The following TMTC2 variants were observed in gnomAD, a reference collection of about 807,000 sequenced individuals.
The protein encoded by TMTC2 is protein O-mannosyl-transferase TMTC2.
TMTC2 carries 43 observed loss-of-function variants against 82.4 expected under a neutral mutation model. That is an observed-to-expected ratio of 0.52 (90% confidence interval 0.41 to 0.67). TMTC2 has a LOEUF of 0.67. TMTC2 is among the 30% of genes least tolerant of loss of function. TMTC2 has a pLI of 0.00. For synonymous variants in TMTC2, 408 were observed against 381.9 expected, an observed-to-expected ratio of 1.07 and a Z score of -0.80; for missense variants, 919 against 1,012.4, an observed-to-expected ratio of 0.91 and a Z score of 1.25.
At chr12:82,937,685 T>C (rs928433535) in intron 4 of TMTC2, among the ~76,000 whole-genome samples, 1 of 145,632 alleles carries the variant, frequency 6.9e-6, no homozygotes, top group Non-Finnish European at 1.5e-5. Context: ...AGCTAACATT[T>C]TGAACAAATG....
At chr12:82,948,349 A>AG (rs1010741461) in intron 4 of TMTC2, among the ~76,000 whole-genome samples, 1 of 148,024 alleles carries the variant, frequency 6.8e-6, no homozygotes, top group African/African-American at 2.5e-5. Flanking sequence ...TGGACAACAG[A>AG]GGGAAACCCT....
intron 1 of TMTC2, among the ~76,000 whole-genome samples, chr12:82,735,557 G>A (rs1048040198): frequency 2.6e-5 from 4 of 151,906 alleles, no homozygotes; most frequent in Admixed American, 6.5e-5. Context: ...GTGTTAGCCA[G>A]GATGGTCTCG....
rs1489746856 is a variant in TMTC2 at position 83,040,724 on chromosome 12, C to T, written c.2152+9845C>T. On this transcript the variant is annotated intron_variant, in intron 9 of 11. Transcript: ENST00000321196. Reference sequence around the variant, plus strand: ...CTTTTGAGACGGAGTCTCGCTCAGTCGCCCAGGCTGAAGCGCAGTGGCACT... The same window carrying T: ...CTTTTGAGACGGAGTCTCGCTCAGTTGCCCAGGCTGAAGCGCAGTGGCACT... Among the ~76,000 whole-genome samples, 6 of 137,630 alleles carry T rather than the reference C, an allele frequency of 4.4e-5. No homozygotes were observed. In the East Asian group the frequency reaches 1.2e-3, roughly 28 times the overall value. The allele number at this position is 137,630 out of a possible 152,430, so 90.3% of individuals were successfully genotyped here.
chr12:83,031,161 G>A (rs1881415809), intron 9 of TMTC2, among the ~76,000 whole-genome samples: 2 of 152,072 alleles, frequency 1.3e-5, no homozygotes, highest in Admixed American at 1.3e-4. Flanking sequence ...ATCTCATCAG[G>A]AAAGCATCTA....
At chr12:82,904,866 A>G (rs1874205156) in intron 3 of TMTC2, among the ~76,000 whole-genome samples, 1 of 152,146 alleles carries the variant, frequency 6.6e-6, no homozygotes, top group South Asian at 2.1e-4. Flanking sequence ...CTCTGTTACC[A>G]TAGCTTTTAA....
At chr12:82,923,943 A>C (rs1168681414) in intron 3 of TMTC2, among the ~76,000 whole-genome samples, 1 of 152,210 alleles carries the variant, frequency 6.6e-6, no homozygotes, top group East Asian at 1.9e-4. Context: ...AATATGATCA[A>C]ATTTCTTAAA....
At chr12:82,929,866 G>A (rs1282865036) in intron 3 of TMTC2, among the ~76,000 whole-genome samples, 2 of 152,120 alleles carry the variant, frequency 1.3e-5, no homozygotes, top group African/African-American at 4.8e-5. Context: ...TAGAAATAGC[G>A]ATTTTCAGGG....
Position 82,997,412 on chromosome 12 carries a change from G to GTGTATA in TMTC2, c.2070+11367_2070+11368insGTATAT, listed in dbSNP as rs1213540189. 4.7e-3 allele frequency among the ~76,000 whole-genome samples: 165 copies of GTGTATA among 35,258 alleles called. 4 individuals are homozygous for GTGTATA. The highest frequency in any genetic ancestry group is 0.011 in the African/African-American group (162 of 14,650). 23.1% of individuals were successfully genotyped at this position (35,258 alleles called of 152,430 possible). On this transcript the variant is annotated intron_variant, in intron 8 of 11. Transcript: ENST00000321196. ...TATATATATGTGTATATATATATGT[G>GTGTATA]TATATATATATATATACACACAGAG... is the stretch of plus-strand genomic sequence containing the variant.
chr12:82,920,408 ATTTTCTC>A (rs1188718746), intron 3 of TMTC2, among the ~76,000 whole-genome samples: 1 of 152,110 alleles, frequency 6.6e-6, no homozygotes, highest in Non-Finnish European at 1.5e-5. Flanking sequence ...CTCACATTTG[ATTTTCTC>A]TTTAGAACAA....
At chr12:82,886,685 G>A (rs1282992183) in intron 2 of TMTC2, among the ~76,000 whole-genome samples, 3 of 152,156 alleles carry the variant, frequency 2.0e-5, no homozygotes, top group Non-Finnish European at 4.4e-5. Context: ...GTTAGTTGGT[G>A]TGGGGGAGAA....
chr12:82,907,335 C>T (rs984679297), intron 3 of TMTC2, among the ~76,000 whole-genome samples: 1 of 151,636 alleles, frequency 6.6e-6, no homozygotes, highest in East Asian at 1.9e-4. Context: ...TGGTGGTGCG[C>T]GCCTATAGTC....
intron 10 of TMTC2, among the ~76,000 whole-genome samples, chr12:83,054,707 C>T (rs1419924436): frequency 6.6e-6 from 1 of 150,720 alleles, no homozygotes. Context: ...AGCATATATG[C>T]TATATATAAT....
chr12:83,106,456 G>GCCGTTGCAGTGAGCCGAGATCACA (rs1565890154), intron 11 of TMTC2, among the ~76,000 whole-genome samples: 1 of 141,000 alleles, frequency 7.1e-6, no homozygotes, highest in African/African-American at 2.7e-5. Context: ...CCGAGATCAC[G>GCCGTTGCAGTGAGCCGAGATCACA]CCATTGCACT....
At chr12:82,948,198 T>C (rs866669492) in intron 4 of TMTC2, among the ~76,000 whole-genome samples, 28 of 152,052 alleles carry the variant, frequency 1.8e-4, no homozygotes, top group African/African-American at 6.5e-4. Flanking sequence ...AGACCTTGTT[T>C]CTATTTAAAA....
chr12:82,759,751 A>T (rs980336637), intron 1 of TMTC2: 4 of 152,254 alleles, frequency 2.6e-5, no homozygotes, highest in Non-Finnish European at 4.4e-5. Flanking sequence ...TATAGATGAC[A>T]GCCCAAAGGC....
Position 83,039,754 on chromosome 12 carries a change from T to A in TMTC2, c.2152+8875T>A, listed in dbSNP as rs114686459. ...GTCAACGTATAGAATTATAAGACCA[T>A]GCTAAGATGGTATGATGACATTCTA... On this transcript the variant is annotated intron_variant, in intron 9 of 11. Transcript: ENST00000321196. 2.9e-3 allele frequency among the ~76,000 whole-genome samples: 444 copies of A among 152,294 alleles called. 2 individuals carry two copies. The highest frequency in any genetic ancestry group is 0.01 in the African/African-American group (432 of 41,564).
intron 7 of TMTC2, among the ~76,000 whole-genome samples, chr12:82,973,330 T>C (rs541611994): frequency 9.2e-4 from 140 of 152,216 alleles, no homozygotes; most frequent in African/African-American, 3.2e-3. Context: ...TTTCATTTCG[T>C]TTTTCCATTA....
chr12:83,106,500 CAAA>C (rs769681273), intron 11 of TMTC2, among the ~76,000 whole-genome samples: 2 of 58,588 alleles, frequency 3.4e-5, no homozygotes. Flanking sequence ...ACTCTGTCTC[CAAA>C]AAAAAAAAAA....
At chr12:82,877,026 A>T (rs1872616445) in intron 2 of TMTC2, among the ~76,000 whole-genome samples, 2 of 151,622 alleles carry the variant, frequency 1.3e-5, no homozygotes, top group Non-Finnish European at 2.9e-5. Context: ...TGTCATAAAG[A>T]TCATATGTTT....
Sources: allele counts gnomAD v4.1 joint callset (sites outside exome capture counted in the v4.1 genomes callset), GRCh38; gene constraint gnomAD v4.1.1; transcripts MANE v1.5; gene names NCBI Gene and HGNC (gene_info 2026-07-23, HGNC 2026-07-21).